The following KCNG3 variants were observed in gnomAD, a reference collection of about 807,000 sequenced individuals.
KCNG3 encodes potassium voltage-gated channel modifier subfamily G member 3.
Under a neutral mutation model 29.0 loss-of-function variants are expected in KCNG3, and 15 were observed. The ratio of observed to expected loss-of-function variants is 0.52; its 90% CI spans 0.35 to 0.80. The LOEUF is 0.80. Among genes scored for constraint, KCNG3 ranks in the 30% least tolerant of loss-of-function variants. KCNG3 has a pLI of 0.01. For synonymous variants in KCNG3, 322 were observed against 248.9 expected, an observed-to-expected ratio of 1.29 and a Z score of -2.76; for missense variants, 512 against 605.7, an observed-to-expected ratio of 0.85 and a Z score of 1.62.
intron 1 of KCNG3, among the ~76,000 whole-genome samples, chr2:42,471,260 C>T (rs115201677): frequency 0.017 from 2,592 of 150,372 alleles, 71 homozygotes; most frequent in African/African-American, 0.06. Context: ...AAAGTAAAAA[C>T]AATACAAATG....
At chr2:42,487,864 G>C (rs1282623918) in intron 1 of KCNG3, among the ~76,000 whole-genome samples, 1 of 152,180 alleles carries the variant, frequency 6.6e-6, no homozygotes, top group Non-Finnish European at 1.5e-5. Context: ...TAAATGTATA[G>C]TGACTATGGG....
chr2:42,398,315 G>C, the KCNG3 span, among the ~76,000 whole-genome samples: 1 of 151,952 alleles, frequency 6.6e-6, no homozygotes, highest in Non-Finnish European at 1.5e-5. Context: ...ATTGGACCCT[G>C]AGATCAGTGC....
At position 42,458,811 on chromosome 2, in the gene KCNG3, A is replaced by AG. The variant is rs200696621; in HGVS notation, c.666-14233_666-14232insC. Among the ~76,000 whole-genome samples the AG allele has an allele frequency of 6.5e-3, 979 of 151,380 alleles. 16 individuals carry two copies. The highest frequency in any genetic ancestry group is 0.023 in the African/African-American group (938 of 41,258). On this transcript the variant is annotated intron_variant, in intron 1 of 1. Transcript: ENST00000306078. ...CCCATTACTTAAAAAAGAAAAAAAA[A>AG]AGGAACCTCAGGAAGAAACAGTTTT...
At chr2:42,456,950 G>GA (rs1444723287) in intron 1 of KCNG3, among the ~76,000 whole-genome samples, 2 of 151,578 alleles carry the variant, frequency 1.3e-5, no homozygotes, top group Admixed American at 1.3e-4. Flanking sequence ...TTTTTGAGAG[G>GA]AAAAAAACAT....
At chr2:42,456,913 T>C (rs76225105) in intron 1 of KCNG3, among the ~76,000 whole-genome samples, 1,603 of 152,230 alleles carry the variant, frequency 0.011, 24 homozygotes, top group African/African-American at 0.036. Context: ...TCCACAACAA[T>C]TGGTTAAATA....
chr2:42,431,404 A>T, the KCNG3 span, among the ~76,000 whole-genome samples: 1 of 152,172 alleles, frequency 6.6e-6, no homozygotes, highest in Non-Finnish European at 1.5e-5. Flanking sequence ...GGTTTGATAT[A>T]CACATTTGCA....
At chr2:42,429,059 C>T in the KCNG3 span, among the ~76,000 whole-genome samples, 3 of 151,956 alleles carry the variant, frequency 2.0e-5, no homozygotes, top group Admixed American at 6.6e-5. Flanking sequence ...GGGGAGGTTG[C>T]GGTGAGCCAA....
At chr2:42,472,903 ATTTTT>A (rs1553330072) in intron 1 of KCNG3, among the ~76,000 whole-genome samples, 3 of 131,550 alleles carry the variant, frequency 2.3e-5, no homozygotes, top group Admixed American at 7.9e-5. Flanking sequence ...ATATATATAT[ATTTTT>A]TTTTTTTTTT....
the KCNG3 span, among the ~76,000 whole-genome samples, chr2:42,436,051 G>A: frequency 2.6e-5 from 4 of 152,162 alleles, no homozygotes; most frequent in Admixed American, 6.6e-5. Context: ...TTATTCAGTC[G>A]TAAAAAGGAA....
chr2:42,460,888 G>A (rs996463712), intron 1 of KCNG3, among the ~76,000 whole-genome samples: 3 of 152,028 alleles, frequency 2.0e-5, no homozygotes, highest in South Asian at 2.1e-4. Context: ...TAGGCCAGGC[G>A]CGGTGGCTCA....
chr2:42,441,430 C>A (rs76020501), downstream of KCNG3, among the ~76,000 whole-genome samples: 162 of 152,090 alleles, frequency 1.1e-3, 3 homozygotes, highest in East Asian at 0.029. Flanking sequence ...AGTAGCAACG[C>A]TCAGGGAACG....
intron 1 of KCNG3, among the ~76,000 whole-genome samples, chr2:42,477,141 G>A (rs1673446666): frequency 6.8e-6 from 1 of 147,976 alleles, no homozygotes; most frequent in South Asian, 2.2e-4. Context: ...GCAGGGAGCT[G>A]AGATTACGCC....
chr2:42,491,883 G>C (rs1673886793), intron 1 of KCNG3, among the ~76,000 whole-genome samples: 1 of 152,186 alleles, frequency 6.6e-6, no homozygotes, highest in Admixed American at 6.5e-5. Flanking sequence ...AGGATCTTAA[G>C]ACAGTGTCAA....
chr2:42,479,645 C>CA (rs1228507786), intron 1 of KCNG3, among the ~76,000 whole-genome samples: 7,456 of 90,954 alleles, frequency 0.082, 520 homozygotes, highest in African/African-American at 0.23. Flanking sequence ...GACCCTGTCT[C>CA]AAAAAAAAAA....
At chr2:42,448,977 C>CAA (rs1209552387) in intron 1 of KCNG3, among the ~76,000 whole-genome samples, 5 of 137,388 alleles carry the variant, frequency 3.6e-5, no homozygotes, top group African/African-American at 1.3e-4. Context: ...GACTCCGTCT[C>CAA]AAAAAAAAAA....
chr2:42,493,050 C>G lies in KCNG3; in HGVS notation c.452G>C (p.Arg151Thr). The change falls in exon 1 of 2, where the codon AGG becomes ACG. Residue 151 changes from arginine (R) to threonine (T), a missense_variant. By Grantham distance (71) the Arg-to-Thr change is moderately conservative (BLOSUM62 -1). Around this residue, in one of 5 missense-constraint regions of KCNG3, gnomAD observed 228 missense variants for 200.0 expected, o/e 1.14. Coordinates refer to ENST00000306078, the MANE Select transcript of KCNG3 (RefSeq NM_133329.6). ...CCGCCGCATGCGCTCCAGCCAGCGC[C>G]TGGAGGGAGCCGCCTCGGCCCCGCC... Reference protein sequence around the residue: ...RPGGAEAAPSRRWLERMRRTF... With the variant: ...RPGGAEAAPSTRWLERMRRTF... 2 of 1,524,556 alleles carry G rather than the reference C, an allele frequency of 1.3e-6. No individual in the cohort carries two copies. Among genetic ancestry groups the G allele is most frequent in the African/African-American group, 2.8e-5 (2 of 71,548 alleles). 94.4% of individuals were successfully genotyped at this position (1,524,556 alleles called of 1,614,324 possible).
At chr2:42,481,178 C>G (rs1401002125) in intron 1 of KCNG3, among the ~76,000 whole-genome samples, 3 of 152,196 alleles carry the variant, frequency 2.0e-5, no homozygotes, top group Non-Finnish European at 4.4e-5. Flanking sequence ...GCTCCAGACT[C>G]CCATTGGTCC....
At chr2:42,405,465 G>A in the KCNG3 span, among the ~76,000 whole-genome samples, 5 of 148,808 alleles carry the variant, frequency 3.4e-5, no homozygotes, top group East Asian at 7.9e-4. Context: ...TTGAGACGGC[G>A]TCTCACTCTG....
intron 1 of KCNG3, among the ~76,000 whole-genome samples, chr2:42,466,325 G>C (rs1296864858): frequency 6.6e-6 from 1 of 152,194 alleles, no homozygotes; most frequent in Non-Finnish European, 1.5e-5. Context: ...AGAATCGCTT[G>C]AAACCAGGAG....
Sources: gnomAD v4.1 joint callset for allele counts (sites outside exome capture counted in the v4.1 genomes callset) on GRCh38, gnomAD v4.1.1 for gene constraint, gnomAD v4.1.1 regional missense constraint, MANE v1.5 for transcripts, NCBI Gene and HGNC (gene_info 2026-07-23, HGNC 2026-07-21) for gene names.